The following RABGAP1L variants were observed in gnomAD, a reference collection of about 807,000 sequenced individuals.
RABGAP1L encodes rab GTPase-activating protein 1-like.
RABGAP1L carries 63 observed loss-of-function variants against 137.7 expected under a neutral mutation model. That is an observed-to-expected ratio of 0.46 (90% CI 0.37 to 0.56). RABGAP1L has a LOEUF of 0.56. Among genes scored for constraint, RABGAP1L ranks in the 20% least tolerant of loss-of-function variants. The pLI, the probability that RABGAP1L is intolerant of heterozygous loss-of-function variation, is 0.00. For missense variants in RABGAP1L, 1,095 were observed against 1,244.0 expected (o/e 0.88, Z 1.80); for synonymous variants, 431 against 433.7 (o/e 0.99, Z 0.08).
intron 19 of RABGAP1L, among the ~76,000 whole-genome samples, chr1:174,899,152 C>T (rs915186014): frequency 1.3e-5 from 2 of 151,894 alleles, no homozygotes; most frequent in African/African-American, 4.8e-5. Context: ...TATTCAGCCT[C>T]AGAGATGTGC....
chr1:174,516,370 C>CA (rs1662850531), intron 13 of RABGAP1L, among the ~76,000 whole-genome samples: 1 of 152,196 alleles, frequency 6.6e-6, no homozygotes, highest in South Asian at 2.1e-4. Context: ...CCAAAAAATA[C>CA]AAAAATGCGA....
chr1:174,456,044 G>A lies in RABGAP1L; in HGVS notation c.1710+61899G>A, dbSNP rs147566357. Among the ~76,000 whole-genome samples the A allele has an allele frequency of 2.0e-5, 3 of 152,234 alleles. No individual in the cohort carries two copies. The East Asian group carries it at 5.8e-4, about 29-fold the overall frequency. ...GATATTTCTTTCTTGAGAAGAAAAT[G>A]AAGACTTAGTTATTTGATATAGAAG... On this transcript the variant is annotated intron_variant, in intron 13 of 25. Transcript: ENST00000681986.
chr1:174,916,774 C>G (rs367695450), intron 19 of RABGAP1L, among the ~76,000 whole-genome samples: 1 of 152,138 alleles, frequency 6.6e-6, no homozygotes, highest in African/African-American at 2.4e-5. Flanking sequence ...GAAAACTTGT[C>G]ACTGGCCATA....
chr1:174,519,677 A>T (rs1029046630), intron 13 of RABGAP1L, among the ~76,000 whole-genome samples: 1 of 152,206 alleles, frequency 6.6e-6, no homozygotes, highest in African/African-American at 2.4e-5. Context: ...ATAAAAAGAG[A>T]TGCCTCATTA....
intron 11 of RABGAP1L, among the ~76,000 whole-genome samples, chr1:174,347,143 A>C (rs1358162421): frequency 6.6e-6 from 1 of 152,168 alleles, no homozygotes; most frequent in Non-Finnish European, 1.5e-5. Context: ...CTGATGACCT[A>C]TCCTTGTGAA....
chr1:174,351,260 T>G (rs1459506876), intron 11 of RABGAP1L, among the ~76,000 whole-genome samples: 1 of 152,222 alleles, frequency 6.6e-6, no homozygotes, highest in African/African-American at 2.4e-5. Flanking sequence ...TTACTATTAC[T>G]AGTGAGTTTT....
At chr1:174,975,925 G>A in intron 21 of RABGAP1L, 153 bp from the exon 22 acceptor site, 1 of 626,246 alleles carries the variant, frequency 1.6e-6, no homozygotes, top group Non-Finnish European at 2.8e-6. Flanking sequence ...TTCAGTGAAA[G>A]CAGCCATCGC....
chr1:174,421,702 T>A (rs1471584386), intron 13 of RABGAP1L, among the ~76,000 whole-genome samples: 2 of 152,226 alleles, frequency 1.3e-5, no homozygotes, highest in African/African-American at 4.8e-5. Context: ...TTTGAAAATG[T>A]TCCACTGCCC....
At chr1:174,310,232 G>T (rs1678697952) in intron 11 of RABGAP1L, among the ~76,000 whole-genome samples, 1 of 152,034 alleles carries the variant, frequency 6.6e-6, no homozygotes. Flanking sequence ...GGAGCATATT[G>T]TTTAATTTCC....
intron 11 of RABGAP1L, among the ~76,000 whole-genome samples, chr1:174,344,633 G>C (rs895512255): frequency 2.0e-5 from 3 of 152,132 alleles, no homozygotes; most frequent in Non-Finnish European, 4.4e-5. Flanking sequence ...TTCTGAAATA[G>C]AATCCCTATA....
chr1:174,347,179 G>T (rs1044291390), intron 11 of RABGAP1L, among the ~76,000 whole-genome samples: 1 of 152,178 alleles, frequency 6.6e-6, no homozygotes, highest in Non-Finnish European at 1.5e-5. Context: ...GGAGAAGAAT[G>T]TATATTCTGT....
At chr1:174,902,438 C>T (rs1658301631) in intron 19 of RABGAP1L, among the ~76,000 whole-genome samples, 1 of 152,212 alleles carries the variant, frequency 6.6e-6, no homozygotes, top group Non-Finnish European at 1.5e-5. Context: ...GTGGGGCCCA[C>T]AGAACGTCGC....
chr1:174,894,459 C>T (rs78173536), intron 19 of RABGAP1L, among the ~76,000 whole-genome samples: 4 of 152,222 alleles, frequency 2.6e-5, no homozygotes, highest in Non-Finnish European at 2.9e-5. Context: ...GATTGTTACA[C>T]AAGAATTAAA....
chr1:174,472,145 G>A (rs1462619305), intron 13 of RABGAP1L, among the ~76,000 whole-genome samples: 3 of 152,222 alleles, frequency 2.0e-5, no homozygotes, highest in African/African-American at 7.2e-5. Context: ...AATTTCTGTT[G>A]TTTAAGACAC....
intron 13 of RABGAP1L, among the ~76,000 whole-genome samples, chr1:174,635,213 G>A (rs1265144579): frequency 2.6e-5 from 4 of 152,004 alleles, no homozygotes; most frequent in African/African-American, 4.8e-5. Context: ...CAGTTCCTAG[G>A]GAATACAGTC....
chr1:174,552,728 C>T (rs778536043), intron 13 of RABGAP1L, among the ~76,000 whole-genome samples: 5 of 152,118 alleles, frequency 3.3e-5, no homozygotes, highest in East Asian at 1.9e-4. Flanking sequence ...TATATTCCTC[C>T]GGGTATATAC....
intron 18 of RABGAP1L, among the ~76,000 whole-genome samples, chr1:174,767,834 A>G (rs1685800906): frequency 6.6e-6 from 1 of 152,200 alleles, no homozygotes; most frequent in South Asian, 2.1e-4. Context: ...TTACAGTTCC[A>G]TGTGGCTGGG....
At chr1:174,577,687 G>A (rs1467796199) in intron 13 of RABGAP1L, among the ~76,000 whole-genome samples, 3 of 152,190 alleles carry the variant, frequency 2.0e-5, no homozygotes, top group Admixed American at 2.0e-4. Flanking sequence ...AGCGTAATCT[G>A]TTTAACACAT....
intron 1 of RABGAP1L, among the ~76,000 whole-genome samples, chr1:174,211,598 AAC>A (rs1558035182): frequency 6.6e-6 from 1 of 152,132 alleles, no homozygotes; most frequent in Non-Finnish European, 1.5e-5. Context: ...GAAAACAAGT[AAC>A]AGTTATAGGA....
Sources: allele counts gnomAD v4.1 joint callset (sites outside exome capture counted in the v4.1 genomes callset), GRCh38; gene constraint gnomAD v4.1.1; transcripts MANE v1.5; gene names NCBI Gene and HGNC (gene_info 2026-07-23, HGNC 2026-07-21).